Variants in PNLIPRP3 observed in about 807,000 individuals in gnomAD.
PNLIPRP3 encodes the protein pancreatic lipase-related protein 3.
Under a neutral mutation model 52.8 loss-of-function variants are expected in PNLIPRP3, and 58 were observed. That is an observed-to-expected ratio of 1.10 (90% confidence interval 0.89 to 1.37). The LOEUF is 1.37. PNLIPRP3 is among the 40% of genes most tolerant of loss of function. The probability of loss-of-function intolerance (pLI) is 0.00; values close to 1 mark genes in which losing one functional copy is unlikely to be tolerated. For missense variants in PNLIPRP3, 593 were observed against 561.6 expected, an observed-to-expected ratio of 1.06 and a Z score of -0.57; for synonymous variants, 192 against 185.0, an observed-to-expected ratio of 1.04 and a Z score of -0.31.
At chr10:116,462,789 A>C (rs1343638284) in intron 7 of PNLIPRP3, among the ~76,000 whole-genome samples, 1 of 152,222 alleles carries the variant, frequency 6.6e-6, no homozygotes, top group African/African-American at 2.4e-5. Context: ...TGTTATACAC[A>C]GATCATATGA....
At chr10:116,461,468 C>T (rs554351328) in intron 7 of PNLIPRP3, among the ~76,000 whole-genome samples, 178 bp downstream of exon 7, 1 of 152,304 alleles carries the variant, frequency 6.6e-6, no homozygotes, top group South Asian at 2.1e-4. Context: ...GGTACCGTGT[C>T]TTCATTAACT....
intron 4 of PNLIPRP3, among the ~76,000 whole-genome samples, chr10:116,446,832 C>T (rs1845960588): frequency 6.6e-6 from 1 of 152,138 alleles, no homozygotes; most frequent in Admixed American, 6.5e-5. Flanking sequence ...TCTGACCCAG[C>T]ACCATATGAT....
At chr10:116,472,520 G>T (rs1296401937) in intron 10 of PNLIPRP3, among the ~76,000 whole-genome samples, 2 of 152,178 alleles carry the variant, frequency 1.3e-5, no homozygotes, top group Non-Finnish European at 2.9e-5. Flanking sequence ...GCAAACAGAT[G>T]AATGTATTAG....
At chr10:116,449,628 G>A (rs892866753) in intron 4 of PNLIPRP3, among the ~76,000 whole-genome samples, 4 of 152,270 alleles carry the variant, frequency 2.6e-5, no homozygotes, top group Non-Finnish European at 2.9e-5. Context: ...ATACACAGCA[G>A]TGAAATAATA....
intron 1 of PNLIPRP3, among the ~76,000 whole-genome samples, chr10:116,430,416 A>G (rs1462913306): frequency 1.3e-5 from 2 of 152,166 alleles, no homozygotes; most frequent in African/African-American, 2.4e-5. Flanking sequence ...TAATTTCATA[A>G]CCACAAATTA....
chr10:116,436,336 T>C (rs1402152670), intron 1 of PNLIPRP3, among the ~76,000 whole-genome samples: 1 of 152,174 alleles, frequency 6.6e-6, no homozygotes, highest in East Asian at 1.9e-4. Context: ...TTATGCCATA[T>C]ACAAAATTAA....
intron 10 of PNLIPRP3, among the ~76,000 whole-genome samples, chr10:116,475,204 G>A (rs1238856118): frequency 1.3e-5 from 2 of 152,144 alleles, no homozygotes; most frequent in Admixed American, 6.6e-5. Context: ...AATACTGAAT[G>A]TTCTCACTTA....
At chr10:116,464,798 T>G (rs951757400) in intron 7 of PNLIPRP3, among the ~76,000 whole-genome samples, 1 of 152,226 alleles carries the variant, frequency 6.6e-6, no homozygotes, top group Non-Finnish European at 1.5e-5. Context: ...TACAGCTCAT[T>G]TGTTCCCACC....
chr10:116,453,908 G>C (rs545116811), intron 4 of PNLIPRP3, among the ~76,000 whole-genome samples: 1 of 152,158 alleles, frequency 6.6e-6, no homozygotes, highest in East Asian at 1.9e-4. Flanking sequence ...CATTCATTAG[G>C]TATTTGTCTT....
At chr10:116,430,612 G>A (rs1353973230) in intron 1 of PNLIPRP3, among the ~76,000 whole-genome samples, 1 of 152,018 alleles carries the variant, frequency 6.6e-6, no homozygotes, top group East Asian at 1.9e-4. Context: ...GATTTACACT[G>A]GATAAGAAGG....
At chr10:116,450,684 C>T (rs1396374048) in intron 4 of PNLIPRP3, among the ~76,000 whole-genome samples, 2 of 151,968 alleles carry the variant, frequency 1.3e-5, no homozygotes, top group Non-Finnish European at 2.9e-5. Context: ...AATTACACAA[C>T]AAAATTTAAG....
intron 1 of PNLIPRP3, among the ~76,000 whole-genome samples, chr10:116,430,999 C>G (rs769453142): frequency 6.6e-6 from 1 of 152,188 alleles, no homozygotes; most frequent in Non-Finnish European, 1.5e-5. Flanking sequence ...CAAATCTGTT[C>G]GTCTCAAAGT....
At chr10:116,462,888 G>T (rs1846216642) in intron 7 of PNLIPRP3, among the ~76,000 whole-genome samples, 1 of 152,060 alleles carries the variant, frequency 6.6e-6, no homozygotes, top group Admixed American at 6.6e-5. Context: ...AACTTTATTG[G>T]ATTAAAAGAA....
chr10:116,439,056 G>A (rs534066049), intron 2 of PNLIPRP3, among the ~76,000 whole-genome samples: 1 of 152,188 alleles, frequency 6.6e-6, no homozygotes, highest in South Asian at 2.1e-4. Flanking sequence ...TGTTTAATGG[G>A]TACAGAATTT....
At chr10:116,446,420 C>G (rs1482777382) in intron 4 of PNLIPRP3, among the ~76,000 whole-genome samples, 1 of 149,602 alleles carries the variant, frequency 6.7e-6, no homozygotes, top group African/African-American at 2.5e-5. Flanking sequence ...ATGTAGCATT[C>G]ATTGGCAGTT....
At chr10:116,440,183 C>A (rs1295675543) in intron 2 of PNLIPRP3, 9 of 561,656 alleles carry the variant, frequency 1.6e-5, no homozygotes, top group Non-Finnish European at 2.5e-5. Context: ...TAACTCTATT[C>A]CCTGATCTTC....
At chr10:116,454,100 C>A (rs1402671539) in intron 4 of PNLIPRP3, among the ~76,000 whole-genome samples, 2 of 152,048 alleles carry the variant, frequency 1.3e-5, no homozygotes, top group Non-Finnish European at 2.9e-5. Flanking sequence ...TGTGTCCCTG[C>A]AAAGGACATG....
intron 4 of PNLIPRP3, among the ~76,000 whole-genome samples, chr10:116,449,762 G>A (rs556090310): frequency 1.3e-5 from 2 of 152,224 alleles, no homozygotes; most frequent in Admixed American, 6.5e-5. Context: ...CCTAACACAT[G>A]TGCATAGAAT....
chr10:116,445,105 G>C (rs1040180038), intron 4 of PNLIPRP3, among the ~76,000 whole-genome samples: 6 of 152,158 alleles, frequency 3.9e-5, no homozygotes, highest in Non-Finnish European at 7.3e-5. Context: ...AATCCTTTCA[G>C]ATTTTTAAGG....
Sources: allele counts gnomAD v4.1 joint callset (sites outside exome capture counted in the v4.1 genomes callset), GRCh38; gene constraint gnomAD v4.1.1; transcripts MANE v1.5; gene names NCBI Gene and HGNC (gene_info 2026-07-23, HGNC 2026-07-21).